Variants in TMEM184B observed in about 807,000 individuals in gnomAD.
TMEM184B encodes putative MAPK-activating protein FM08.
In TMEM184B, 17 loss-of-function variants were observed where a neutral mutation model predicts 41.8. That is an observed-to-expected ratio of 0.41 (90% confidence interval 0.28 to 0.61). The LOEUF (loss-of-function observed/expected upper bound fraction) is 0.61. Among genes scored for constraint, TMEM184B ranks in the 20% least tolerant of loss-of-function variants. The pLI is 0.34. For missense variants in TMEM184B, 393 were observed against 557.8 expected (o/e 0.70, Z 2.98); for synonymous variants, 240 against 229.5 (o/e 1.05, Z -0.41).
chr22:38,258,435 G>A (rs1048816757), intron 1 of TMEM184B, among the ~76,000 whole-genome samples: 1 of 151,846 alleles, frequency 6.6e-6, no homozygotes, highest in African/African-American at 2.4e-5. Context: ...CTAGTAGCTG[G>A]GATTACAGGC....
intron 3 of TMEM184B, among the ~76,000 whole-genome samples, chr22:38,234,378 C>A (rs1380244334): frequency 6.6e-6 from 1 of 152,208 alleles, no homozygotes; most frequent in African/African-American, 2.4e-5. Flanking sequence ...CTGCCAGGCA[C>A]ACAAGGGAGT....
At chr22:38,234,151 T>C (rs548139734) in intron 3 of TMEM184B, among the ~76,000 whole-genome samples, 8 of 152,308 alleles carry the variant, frequency 5.3e-5, no homozygotes, top group African/African-American at 1.9e-4. Flanking sequence ...CCTCCCTTTG[T>C]ATCTGGTGGC....
At chr22:38,272,571 G>A in intron 1 of TMEM184B, 1 of 985,608 alleles carries the variant, frequency 1.0e-6, no homozygotes, top group Non-Finnish European at 1.2e-6. Flanking sequence ...TGGTCCATCC[G>A]CCTCCCTCTC....
intron 1 of TMEM184B, among the ~76,000 whole-genome samples, chr22:38,256,715 C>T (rs1352128770): frequency 6.6e-6 from 1 of 152,216 alleles, no homozygotes; most frequent in Non-Finnish European, 1.5e-5. Context: ...TCCACCTCTC[C>T]ATCACTGAGC....
At chr22:38,258,501 T>C (rs1249851186) in intron 1 of TMEM184B, among the ~76,000 whole-genome samples, 2 of 151,966 alleles carry the variant, frequency 1.3e-5, no homozygotes, top group Non-Finnish European at 2.9e-5. Context: ...AGTTTCACCA[T>C]ATTGGCCAGG....
intron 1 of TMEM184B, among the ~76,000 whole-genome samples, chr22:38,271,595 C>G (rs2092524373): frequency 6.8e-6 from 1 of 148,112 alleles, no homozygotes; most frequent in South Asian, 2.2e-4. Context: ...TCCCCGGGAA[C>G]TGAACCTGCC....
intron 3 of TMEM184B, among the ~76,000 whole-genome samples, chr22:38,234,761 G>A (rs1024245271): frequency 1.3e-5 from 2 of 152,018 alleles, no homozygotes; most frequent in East Asian, 1.9e-4. Flanking sequence ...TGATCCCTCC[G>A]GCACAAAAGC....
In TMEM184B at chr22:38,231,265, T is replaced by C. The variant is rs1267796763; in HGVS notation, c.428A>G (p.Glu143Gly). 6.2e-7 allele frequency: 1 copy of C among 1,614,088 alleles called. No homozygotes were observed. The highest frequency in any genetic ancestry group is 1.1e-5 in the South Asian group (1 of 91,084). ...YLGGESSIMS[E>G]IRGKPIESSC... ...TCACTCAATGGGTTTTCCTCTGATC[T>C]CCGACATGATGGAACTTTCTCCTCC... Residue 143 changes from glutamate to glycine, a missense_variant, in exon 4 of 9, where the codon GAG (glutamate) becomes GGG (glycine). Glu to Gly is a moderately conservative substitution (Grantham distance 98). Coordinates refer to ENST00000361906, the MANE Select transcript of TMEM184B (RefSeq NM_012264.5).
At chr22:38,224,141 A>AGTC (rs2091351050) in intron 8 of TMEM184B, 1 of 151,920 alleles carries the variant, frequency 6.6e-6, no homozygotes, top group Admixed American at 6.6e-5. Context: ...TTTGAGACGG[A>AGTC]GTCTTGCTCT....
chr22:38,266,629 G>A (rs1267654827), intron 1 of TMEM184B, among the ~76,000 whole-genome samples: 3 of 152,222 alleles, frequency 2.0e-5, no homozygotes, highest in African/African-American at 7.2e-5. Context: ...AAATGCTATG[G>A]GTAAATGTTT....
chr22:38,250,221 C>G (rs2092132444), intron 1 of TMEM184B, among the ~76,000 whole-genome samples: 1 of 152,260 alleles, frequency 6.6e-6, no homozygotes, highest in Non-Finnish European at 1.5e-5. Flanking sequence ...GATCCTGCGC[C>G]CGCTGTCTGT....
chr22:38,227,291 G>A (rs1048570615), intron 5 of TMEM184B, among the ~76,000 whole-genome samples: 5 of 152,128 alleles, frequency 3.3e-5, no homozygotes, highest in African/African-American at 9.7e-5. Context: ...GGTGGGTGCC[G>A]GAGATGAGAG....
In TMEM184B at chr22:38,272,969, G is replaced by A. The variant is rs1439474252; in HGVS notation, c.-144C>T. 7.1e-6 allele frequency: 2 copies of A among 283,408 alleles called. No homozygotes were observed. The highest frequency in any genetic ancestry group is 1.1e-5 in the Non-Finnish European group (2 of 189,038). The allele number at this position is 283,408 out of a possible 1,614,324, so 17.6% of individuals were successfully genotyped here. ...GCGGGGCGGGCGGCGCCGCAGCCCC[G>A]GAGTCTCCGCCGCCGCCGGCGCGTC... On this transcript the variant is annotated 5_prime_UTR_variant, in exon 1 of 9. Transcript: ENST00000361906.
intron 2 of TMEM184B, chr22:38,247,031 C>T (rs1052882204): frequency 2.6e-6 from 1 of 391,536 alleles, no homozygotes; most frequent in Admixed American, 4.1e-5. Flanking sequence ...CCCCTCTCCA[C>T]TGGACCACCT....
chr22:38,272,456 G>C (rs1157663558), intron 1 of TMEM184B: 24 of 984,886 alleles, frequency 2.4e-5, no homozygotes, highest in Non-Finnish European at 2.8e-5. Context: ...ACCCTCCCAG[G>C]TCACTGCCAC....
rs1338820790 is a variant in TMEM184B, at chr22:38,224,889, C to A, written c.878G>T (p.Gly293Val). Residue 293 changes from glycine to valine, a missense_variant, in exon 8 of 9, where the codon GGC becomes GTC. This residue lies in a region of TMEM184B where 271 missense variants were observed against 434.1 expected (regional missense o/e 0.62). Transcript: ENST00000361906. ...CACACAGATGATGAAGTCCTGGTAG[C>A]CGGCAGCCACGGTGCCCTCGCCCAC... ...VSVGEGTVAA[G>V]YQDFIICVEM... 1 of 1,613,476 alleles carries A rather than the reference C, an allele frequency of 6.2e-7. No individual in the cohort carries two copies. Among genetic ancestry groups the A allele is most frequent in the Non-Finnish European group, 8.5e-7 (1 of 1,179,928 alleles).
Position 38,224,874 on chromosome 22 carries a change from A to C in TMEM184B, c.893T>G (p.Ile298Ser). ...GTVAAGYQDF[I>S]ICVEMFFAAL... ...TGCAAAGAACATCTCCACACAGATGATGAAGTCCTGGTAGCCGGCAGCCAC... is the reference window on the plus strand; with the variant it reads ...TGCAAAGAACATCTCCACACAGATGCTGAAGTCCTGGTAGCCGGCAGCCAC... Residue 298 changes from isoleucine to serine, a missense_variant, in exon 8 of 9, where the codon ATC becomes AGC. Ile to Ser is a moderately radical substitution (Grantham distance 142, BLOSUM62 -2). This residue lies in a region of TMEM184B where 271 missense variants were observed against 434.1 expected (regional missense o/e 0.62). Coordinates refer to ENST00000361906, the MANE Select transcript of TMEM184B (RefSeq NM_012264.5). The C allele has an allele frequency of 6.2e-7, 1 of 1,613,796 alleles. No homozygotes were observed. The highest frequency in any genetic ancestry group is 8.5e-7 in the Non-Finnish European group (1 of 1,179,976).
intron 3 of TMEM184B, among the ~76,000 whole-genome samples, chr22:38,236,034 G>A (rs2091765100): frequency 6.6e-6 from 1 of 152,130 alleles, no homozygotes; most frequent in African/African-American, 2.4e-5. Flanking sequence ...AATGACCAAG[G>A]AGCCCTCAGG....
intron 1 of TMEM184B, among the ~76,000 whole-genome samples, chr22:38,257,805 G>A (rs2092307204): frequency 6.6e-6 from 1 of 152,080 alleles, no homozygotes; most frequent in Non-Finnish European, 1.5e-5. Context: ...GTTTTGTTCT[G>A]GTTTCTTTTT....
Sources: gnomAD v4.1 joint callset for allele counts (sites outside exome capture counted in the v4.1 genomes callset) on GRCh38, gnomAD v4.1.1 for gene constraint, gnomAD v4.1.1 regional missense constraint, MANE v1.5 for transcripts, NCBI Gene and HGNC (gene_info 2026-07-23, HGNC 2026-07-21) for gene names.